EPB41L4B: variants seen among roughly 807,000 people sequenced by gnomAD.
The protein encoded by EPB41L4B is erythrocyte membrane protein band 4.1 like 4B, also known as band 4.1-like protein 4B.
A neutral mutation model predicts 112.5 loss-of-function variants in EPB41L4B; 30 were observed. That is an observed-to-expected ratio of 0.27 (90% CI 0.20 to 0.36). EPB41L4B has a LOEUF of 0.36. Ranked by LOEUF, EPB41L4B falls within the 10% of genes least tolerant of loss-of-function variation. The pLI, the probability that EPB41L4B is intolerant of heterozygous loss-of-function variation, is 1.00. For synonymous variants in EPB41L4B, 408 were observed against 439.7 expected (o/e 0.93, Z 0.90); for missense variants, 1,024 against 1,133.3 (o/e 0.90, Z 1.38).
chr9:109,299,977 T>A (rs572468265), intron 1 of EPB41L4B, among the ~76,000 whole-genome samples: 18 of 151,976 alleles, frequency 1.2e-4, no homozygotes, highest in Non-Finnish European at 2.2e-4. Flanking sequence ...TGAACAGAAA[T>A]AACACCCAAG....
At chr9:109,239,795 A>G (rs1834288891) in intron 15 of EPB41L4B, 2 of 984,164 alleles carry the variant, frequency 2.0e-6, no homozygotes, top group East Asian at 1.1e-4. Context: ...GAGCCCACAG[A>G]TAAGGGTTTG....
In EPB41L4B at chr9:109,249,132, G is replaced by T. The variant is rs369868991; in HGVS notation, c.1311-1343C>A. On this transcript the variant is annotated intron_variant, in intron 13 of 25. Coordinates refer to ENST00000374566, the MANE Select transcript of EPB41L4B (RefSeq NM_019114.5). ...AGCAGGCAATCATTATTGCCAGGAG[G>T]TGTGCTTGAAATCAAGTGTTATTGC... Among the ~76,000 whole-genome samples the T allele has an allele frequency of 8.4e-4, 127 of 151,444 alleles. No homozygotes were observed. In the South Asian group the frequency reaches 0.025, roughly 30 times the overall value.
chr9:109,311,993 T>C (rs1338095710), intron 1 of EPB41L4B, among the ~76,000 whole-genome samples: 3 of 152,140 alleles, frequency 2.0e-5, no homozygotes, highest in African/African-American at 7.2e-5. Context: ...GTGCTTTGCA[T>C]ATCAACCTCC....
intron 2 of EPB41L4B, among the ~76,000 whole-genome samples, chr9:109,278,674 C>G (rs1047312145): frequency 1.3e-5 from 2 of 152,180 alleles, no homozygotes; most frequent in Admixed American, 6.5e-5. Flanking sequence ...TCCCCTCCCC[C>G]CAGTCCACCC....
At chr9:109,176,166 T>A (rs966909919) in intron 25 of EPB41L4B, among the ~76,000 whole-genome samples, 3 of 152,076 alleles carry the variant, frequency 2.0e-5, no homozygotes, top group Admixed American at 2.0e-4. Context: ...CTCACTCTGT[T>A]GCCCAGGCTG....
chr9:109,281,683 C>CATAA lies in EPB41L4B; in HGVS notation c.307-1766_307-1763dup, dbSNP rs201132051. On this transcript the variant is annotated intron_variant, in intron 1 of 25. Transcript: ENST00000374566. ...TCGGCGGTAGAGCGAGACTCCGTCTCATAAATAAATAAATAAATAAATAAA... is the reference window on the plus strand; with the variant it reads ...TCGGCGGTAGAGCGAGACTCCGTCTCATAAATAAATAAATAAATAAATAAATAAA... Among the ~76,000 whole-genome samples, 382 of 138,606 alleles carry CATAA rather than the reference C, an allele frequency of 2.8e-3. 1 individual carries two copies. The highest frequency in any genetic ancestry group is 3.7e-3 in the African/African-American group (132 of 36,138). 90.9% of individuals were successfully genotyped at this position (138,606 alleles called of 152,430 possible).
chr9:109,179,818 A>G (rs963382919), intron 24 of EPB41L4B, among the ~76,000 whole-genome samples: 2 of 151,970 alleles, frequency 1.3e-5, no homozygotes, highest in African/African-American at 4.8e-5. Context: ...CAGCAAAACC[A>G]CTGTGGGTCA....
chr9:109,243,877 C>T (rs1834445171), intron 14 of EPB41L4B, among the ~76,000 whole-genome samples, 195 bp from the exon 15 acceptor site: 1 of 152,208 alleles, frequency 6.6e-6, no homozygotes, highest in African/African-American at 2.4e-5. Context: ...GGGCTGGCAC[C>T]CAGTGCCGGT....
chr9:109,288,567 C>CA (rs1246979992), intron 1 of EPB41L4B, among the ~76,000 whole-genome samples: 1 of 151,398 alleles, frequency 6.6e-6, no homozygotes, highest in Non-Finnish European at 1.5e-5. Context: ...AAACAAAATA[C>CA]AAAAAATTAG....
chr9:109,267,468 C>T lies in EPB41L4B; in HGVS notation c.533+5G>A, dbSNP rs1835449871. On this transcript the variant is annotated splice_donor_5th_base_variant and intron_variant, in intron 4 of 25. Coordinates refer to ENST00000374566, the MANE Select transcript of EPB41L4B (RefSeq NM_019114.5). Reference sequence around the variant, plus strand: ...GGCGGGAGCTTGTTCTGCATCGTGGCCTACCTTGTAAACTCCTCACGAAGG... The same window carrying T: ...GGCGGGAGCTTGTTCTGCATCGTGGTCTACCTTGTAAACTCCTCACGAAGG... 1 of 1,605,452 alleles carries T rather than the reference C, an allele frequency of 6.2e-7. No homozygotes were observed. The highest frequency in any genetic ancestry group is 1.7e-5 in the Admixed American group (1 of 59,710).
At chr9:109,278,214 G>A (rs757337441) in intron 2 of EPB41L4B, among the ~76,000 whole-genome samples, 1 of 152,122 alleles carries the variant, frequency 6.6e-6, no homozygotes. Flanking sequence ...GTCTCTGGCT[G>A]AGAAATGAGA....
rs753176101 is a variant in EPB41L4B at position 109,208,041 on chromosome 9, T to C, written c.1761A>G (p.Glu587=). 3.7e-5 allele frequency: 60 copies of C among 1,614,016 alleles called. No individual in the cohort carries two copies. The highest frequency in any genetic ancestry group is 5.1e-5 in the Non-Finnish European group (60 of 1,180,032). ...GAAGAGTTTTCTCCGAGACTTTCTT[T>C]TCTTCAGCCTGAGACAAACCAAAAT... is the stretch of plus-strand genomic sequence containing the variant. ...PLHININKAE[E]KKVSEKTLQT... is the part of the protein sequence containing the mutation. The change falls in exon 18 of 26, where the codon GAA becomes GAG. Residue 587 remains glutamate (E), a synonymous_variant. Transcript: ENST00000374566.
chr9:109,304,706 A>C (rs1304477835), intron 1 of EPB41L4B, among the ~76,000 whole-genome samples: 2 of 152,180 alleles, frequency 1.3e-5, no homozygotes, highest in Non-Finnish European at 2.9e-5. Context: ...GGTCAGAGTG[A>C]AGCCATGGAA....
intron 19 of EPB41L4B, 127 bp downstream of exon 19, chr9:109,203,536 G>T (rs1588133578): frequency 2.7e-6 from 2 of 737,954 alleles, no homozygotes; most frequent in Non-Finnish European, 4.4e-6. Context: ...CCATCTCTTT[G>T]GGCTCCTATT....
intron 15 of EPB41L4B, among the ~76,000 whole-genome samples, chr9:109,230,528 G>C (rs962237324): frequency 6.6e-6 from 1 of 152,180 alleles, no homozygotes; most frequent in African/African-American, 2.4e-5. Context: ...TGAGAGATGA[G>C]AGAAAGTACA....
rs185995662 is a variant in EPB41L4B at position 109,218,004 on chromosome 9, G to A, written c.1410-859C>T. On this transcript the variant is annotated intron_variant, in intron 15 of 25. Transcript: ENST00000374566. Reference sequence around the variant, plus strand: ...TAACAGATTCCTGCTGGCTCTCCCCGTCTCTGCTCGTTCCTTTAGTCCATC... The same window carrying A: ...TAACAGATTCCTGCTGGCTCTCCCCATCTCTGCTCGTTCCTTTAGTCCATC... Among the ~76,000 whole-genome samples, 83 of 151,286 alleles carry A rather than the reference G, an allele frequency of 5.5e-4. 1 individual carries two copies. In the South Asian group the frequency reaches 7.1e-3, roughly 13 times the overall value.
intron 1 of EPB41L4B, among the ~76,000 whole-genome samples, chr9:109,292,974 C>T (rs1280938171): frequency 6.6e-6 from 1 of 152,200 alleles, no homozygotes; most frequent in African/African-American, 2.4e-5. Context: ...TTCCAGCAAT[C>T]CCTTCCAAGG....
At chr9:109,308,656 C>T (rs1297834346) in intron 1 of EPB41L4B, among the ~76,000 whole-genome samples, 3 of 152,182 alleles carry the variant, frequency 2.0e-5, no homozygotes, top group Non-Finnish European at 4.4e-5. Flanking sequence ...GATTCCTGGA[C>T]TCAAGTGATC....
intron 19 of EPB41L4B, 26 bp downstream of exon 19, chr9:109,203,637 C>T: frequency 6.4e-7 from 1 of 1,559,778 alleles, no homozygotes; most frequent in Non-Finnish European, 8.8e-7. Context: ...AATATCATTT[C>T]CCCATTCAGA....
Sources: allele counts gnomAD v4.1 joint callset (sites outside exome capture counted in the v4.1 genomes callset), GRCh38; gene constraint gnomAD v4.1.1; transcripts MANE v1.5; gene names NCBI Gene and HGNC (gene_info 2026-07-23, HGNC 2026-07-21).